Variants in TENM2 observed in about 807,000 individuals in gnomAD.
The protein encoded by TENM2 is teneurin-2.
Under a neutral mutation model 245.2 loss-of-function variants are expected in TENM2, and 52 were observed. That is an observed-to-expected ratio of 0.21 (90% CI 0.17 to 0.27). TENM2 has a LOEUF of 0.27. TENM2 is among the 10% of genes least tolerant of loss of function. TENM2 has a pLI of 1.00. For missense variants in TENM2, 3,046 were observed against 3,666.8 expected (o/e 0.83, Z 4.37); for synonymous variants, 1,363 against 1,438.9 (o/e 0.95, Z 1.19).
intron 3 of TENM2, among the ~76,000 whole-genome samples, chr5:167,889,645 G>T (rs1774587047): frequency 6.6e-6 from 1 of 151,870 alleles, no homozygotes; most frequent in African/African-American, 2.4e-5. Flanking sequence ...TTGTTCCTGT[G>T]GGAGCAGTGA....
chr5:167,545,830 C>T (rs944584141), intron 2 of TENM2, among the ~76,000 whole-genome samples: 1 of 152,058 alleles, frequency 6.6e-6, no homozygotes, highest in African/African-American at 2.4e-5. Context: ...TTTTCGTGCC[C>T]TCCATGAGTA....
intron 2 of TENM2, among the ~76,000 whole-genome samples, chr5:167,541,963 A>G (rs2127605659): frequency 6.6e-6 from 1 of 152,286 alleles, no homozygotes; most frequent in East Asian, 1.9e-4. Context: ...AGTTTAATCA[A>G]TGGTCATTGA....
At chr5:167,439,450 T>C (rs1764762749) in intron 2 of TENM2, among the ~76,000 whole-genome samples, 1 of 152,214 alleles carries the variant, frequency 6.6e-6, no homozygotes, top group South Asian at 2.1e-4. Flanking sequence ...CCTTTGCTCA[T>C]TGTTACTTAA....
intron 9 of TENM2, among the ~76,000 whole-genome samples, chr5:168,111,432 C>G (rs1794660765): frequency 6.6e-6 from 1 of 152,040 alleles, no homozygotes; most frequent in Non-Finnish European, 1.5e-5. Context: ...AGGACGGTGG[C>G]AGGGGTTGGG....
intron 2 of TENM2, among the ~76,000 whole-genome samples, chr5:167,780,147 A>T (rs1017011993): frequency 6.6e-6 from 1 of 152,228 alleles, no homozygotes; most frequent in East Asian, 1.9e-4. Flanking sequence ...CACTGATTAC[A>T]CTCTATCAGC....
chr5:168,036,664 A>G (rs1171965257), intron 5 of TENM2, among the ~76,000 whole-genome samples: 3 of 101,336 alleles, frequency 3.0e-5, no homozygotes, highest in Non-Finnish European at 5.7e-5. Context: ...ATATATATAT[A>G]ATATATGTAT....
At chr5:167,811,329 T>G (rs570644629) in intron 2 of TENM2, among the ~76,000 whole-genome samples, 1 of 152,074 alleles carries the variant, frequency 6.6e-6, no homozygotes, top group Non-Finnish European at 1.5e-5. Context: ...GTCCTTGCAA[T>G]AGTGAGTTCT....
intron 2 of TENM2, among the ~76,000 whole-genome samples, chr5:167,743,555 C>T (rs1761349496): frequency 6.6e-6 from 1 of 152,082 alleles, no homozygotes; most frequent in African/African-American, 2.4e-5. Context: ...TGTTTGAAAA[C>T]CTTCCCATTA....
chr5:167,662,466 T>C (rs1399083068), intron 2 of TENM2, among the ~76,000 whole-genome samples: 1 of 152,304 alleles, frequency 6.6e-6, no homozygotes, highest in Non-Finnish European at 1.5e-5. Flanking sequence ...TTAAGCTTTA[T>C]TAGTTAATTC....
At chr5:167,474,126 GTTT>G (rs1767216913) in intron 2 of TENM2, among the ~76,000 whole-genome samples, 1 of 150,618 alleles carries the variant, frequency 6.6e-6, no homozygotes, top group Non-Finnish European at 1.5e-5. Context: ...AAATAAAAAT[GTTT>G]TTTGTCAAGT....
intron 3 of TENM2, among the ~76,000 whole-genome samples, chr5:167,905,112 C>T (rs572664379): frequency 1.3e-5 from 2 of 152,250 alleles, no homozygotes; most frequent in East Asian, 3.9e-4. Flanking sequence ...ACTATTATTA[C>T]TAGGGCGGTT....
intron 6 of TENM2, among the ~76,000 whole-genome samples, chr5:168,053,341 C>T (rs1789270253): frequency 6.6e-6 from 1 of 152,300 alleles, no homozygotes; most frequent in Admixed American, 6.5e-5. Flanking sequence ...ATCATGGTGG[C>T]TTGACATGGG....
the TENM2 span, among the ~76,000 whole-genome samples, chr5:167,239,035 T>C: frequency 3.3e-5 from 5 of 152,198 alleles, no homozygotes; most frequent in South Asian, 2.1e-4. Context: ...TGTGTCTGGG[T>C]CTATAGGTCT....
chr5:167,779,798 T>C (rs1764064635), intron 2 of TENM2, among the ~76,000 whole-genome samples: 1 of 152,334 alleles, frequency 6.6e-6, no homozygotes, highest in Admixed American at 6.5e-5. Flanking sequence ...TCATCTCCTA[T>C]GGATACTGCT....
chr5:167,048,991 CT>C, the TENM2 span, among the ~76,000 whole-genome samples: 1 of 151,812 alleles, frequency 6.6e-6, no homozygotes, highest in East Asian at 1.9e-4. Flanking sequence ...GAACAGTGTA[CT>C]TTTTTTTGTT....
intron 5 of TENM2, among the ~76,000 whole-genome samples, chr5:168,037,241 G>T (rs1787786572): frequency 6.6e-6 from 1 of 152,062 alleles, no homozygotes; most frequent in Admixed American, 6.6e-5. Context: ...AAGGACTCTG[G>T]CAGCCTCCCC....
the TENM2 span, among the ~76,000 whole-genome samples, chr5:167,227,727 A>C: frequency 1.3e-5 from 2 of 152,174 alleles, no homozygotes; most frequent in Admixed American, 6.5e-5. Context: ...GTAATGTGCC[A>C]TGAAGAAGAT....
chr5:167,974,071 GAGGA>G (rs1185388862), intron 4 of TENM2, among the ~76,000 whole-genome samples: 2 of 6,712 alleles, frequency 3.0e-4, no homozygotes, highest in Non-Finnish European at 2.5e-4. Context: ...GGGAGGGAGG[GAGGA>G]AGGAAGGAAG....
chr5:167,010,778 T>C, the TENM2 span, among the ~76,000 whole-genome samples: 3 of 152,226 alleles, frequency 2.0e-5, no homozygotes, highest in Admixed American at 6.5e-5. Flanking sequence ...ACAAATTCTA[T>C]GAACCTAGGG....
Sources: allele counts gnomAD v4.1 joint callset (sites outside exome capture counted in the v4.1 genomes callset), GRCh38; gene constraint gnomAD v4.1.1; transcripts MANE v1.5; gene names NCBI Gene and HGNC (gene_info 2026-07-23, HGNC 2026-07-21).